Variants in MAEA observed in about 807,000 individuals in gnomAD.
The protein encoded by MAEA is E3 ubiquitin-protein transferase MAEA.
In MAEA, 22 loss-of-function variants were observed where a neutral mutation model predicts 46.2. That is an observed-to-expected ratio of 0.48 (90% CI 0.34 to 0.68). The LOEUF (loss-of-function observed/expected upper bound fraction) is 0.68. Among genes scored for constraint, MAEA ranks in the 30% least tolerant of loss-of-function variants. MAEA has a pLI of 0.01. For missense variants in MAEA, 393 were observed against 558.1 expected (o/e 0.70, Z 2.98); for synonymous variants, 246 against 222.6 (o/e 1.11, Z -0.94).
chr4:1,327,547 TG>T, intron 4 of MAEA, 79 bp from the exon 5 acceptor site: 1 of 925,610 alleles, frequency 1.1e-6, no homozygotes, highest in East Asian at 2.4e-5. Flanking sequence ...GGTCTGCTGG[TG>T]GACATGCGGG....
chr4:1,312,422 GA>G, intron 2 of MAEA: 20 of 225,074 alleles, frequency 8.9e-5, no homozygotes, highest in South Asian at 2.2e-4. Flanking sequence ...CAGGTTGATT[GA>G]TTTTTTTTTT....
chr4:1,309,435 C>A, intron 1 of MAEA: 1 of 1,276,382 alleles, frequency 7.8e-7, no homozygotes, highest in Non-Finnish European at 9.9e-7. Flanking sequence ...GCGGTGCTTT[C>A]CGGGGCTGGC....
rs145196539 is a variant in MAEA, at chr4:1,297,846, C to T, written c.69+7864C>T. On this transcript the variant is annotated intron_variant, in intron 1 of 8. Coordinates refer to ENST00000303400, the MANE Select transcript of MAEA (RefSeq NM_001017405.3). ...CTAGAGTATGTCTTGGTCTCATGGCCTGTGCTCTCATCTGGCTGTGGTCAG... is the reference window on the plus strand; with the variant it reads ...CTAGAGTATGTCTTGGTCTCATGGCTTGTGCTCTCATCTGGCTGTGGTCAG... 287 of 381,884 alleles carry T rather than the reference C, an allele frequency of 7.5e-4. 2 individuals are homozygous for T. Among genetic ancestry groups the T allele is most frequent in the Middle Eastern group, 5.1e-3 (13 of 2,562 alleles). The allele number at this position is 381,884 out of a possible 1,614,324, so 23.7% of individuals were successfully genotyped here. A position where few individuals can be genotyped will look rare whatever the true frequency, so the allele number is the denominator to read the frequency against.
rs763904494 is a variant in MAEA, at chr4:1,328,623, T to A, written c.656+920T>A. Reference sequence around the variant, plus strand: ...ACAGAAACCCGACCGCGACTCCATATCCACCTGCAGTGGGCCGGGTGGCCG... The same window carrying A: ...ACAGAAACCCGACCGCGACTCCATAACCACCTGCAGTGGGCCGGGTGGCCG... On this transcript the variant is annotated intron_variant, in intron 5 of 8. Coordinates refer to ENST00000303400, the MANE Select transcript of MAEA (RefSeq NM_001017405.3). 2.4e-6 allele frequency: 3 copies of A among 1,247,690 alleles called. No homozygotes were observed. In the African/African-American group the frequency reaches 4.7e-5, roughly 19 times the overall value. The allele number at this position is 1,247,690 out of a possible 1,614,324, so 77.3% of individuals were successfully genotyped here. A position where few individuals can be genotyped will look rare whatever the true frequency, so the allele number is the denominator to read the frequency against.
intron 1 of MAEA, among the ~76,000 whole-genome samples, chr4:1,308,320 G>A (rs982861685): frequency 7.9e-5 from 12 of 152,190 alleles, no homozygotes; most frequent in African/African-American, 2.4e-4. Flanking sequence ...CCAAAATGTC[G>A]TTATGTGGTG....
intron 4 of MAEA, 110 bp from the exon 5 acceptor site, chr4:1,327,517 G>C (rs1047372500): frequency 2.3e-5 from 18 of 793,762 alleles, no homozygotes; most frequent in East Asian, 9.7e-5. Context: ...TGAGAGAGGG[G>C]TTCAGAGCTT....
chr4:1,307,458 A>G (rs1001645595), intron 1 of MAEA, among the ~76,000 whole-genome samples: 4 of 152,266 alleles, frequency 2.6e-5, no homozygotes. Flanking sequence ...AATGTCTTCA[A>G]GGTTCACCCA....
rs578072123 is a variant in MAEA at position 1,312,969 on chromosome 4, C to T, written c.252+808C>T. 9.8e-5 allele frequency among the ~76,000 whole-genome samples: 15 copies of T among 152,340 alleles called. No homozygotes were observed. In the East Asian group the frequency reaches 2.5e-3, roughly 25 times the overall value. ...GAGCAGCAAGAGACTGCTGTTGTCC[C>T]CTGGAGTGTTGGCCAGGCCAGATGG... On this transcript the variant is annotated intron_variant, in intron 2 of 8. Transcript: ENST00000303400.
rs1736479431 is a variant in MAEA, at chr4:1,311,344, G to A, written c.70-635G>A. On this transcript the variant is annotated intron_variant, in intron 1 of 8. Coordinates refer to ENST00000303400, the MANE Select transcript of MAEA (RefSeq NM_001017405.3). This position sits in a 1 kb window ranked among gnomAD's most constrained non-coding sequence, Gnocchi z 4.4. ...AACGGGCGGAGAAGAACTCAGCAGC[G>A]CTTCTCTCAGAGGGACAGAAAACTA... Among the ~76,000 whole-genome samples the A allele has an allele frequency of 6.6e-6, 1 of 152,256 alleles. No individual in the cohort carries two copies. Among genetic ancestry groups the A allele is most frequent in the South Asian group, 2.1e-4 (1 of 4,838 alleles).
intron 1 of MAEA, 135 bp downstream of exon 1, chr4:1,290,117 G>T (rs1156404755): frequency 2.4e-6 from 1 of 417,472 alleles, no homozygotes; most frequent in Non-Finnish European, 3.6e-6. Context: ...GGGCCGTGCG[G>T]GCTTCTCAGG....
At chr4:1,297,607 C>T (rs904178683) in intron 1 of MAEA, among the ~76,000 whole-genome samples, 1 of 152,184 alleles carries the variant, frequency 6.6e-6, no homozygotes, top group Non-Finnish European at 1.5e-5. Flanking sequence ...CACAGTCTGA[C>T]GCGGTCGCCT....
At chr4:1,329,845 G>C (rs1430636008) in intron 5 of MAEA, 1 of 985,554 alleles carries the variant, frequency 1.0e-6, no homozygotes, top group Non-Finnish European at 1.2e-6. Context: ...TCTCCTGAGG[G>C]CTCCAGGCAG....
At chr4:1,308,007 C>T (rs981675478) in intron 1 of MAEA, among the ~76,000 whole-genome samples, 16 of 105,494 alleles carry the variant, frequency 1.5e-4, no homozygotes, top group Admixed American at 3.8e-4. Flanking sequence ...TGTGCAGATA[C>T]GGTCATGTGT....
intron 1 of MAEA, among the ~76,000 whole-genome samples, chr4:1,305,070 T>C (rs1735701928): frequency 6.6e-6 from 1 of 152,232 alleles, no homozygotes; most frequent in Non-Finnish European, 1.5e-5. Flanking sequence ...TACCGTGGAC[T>C]TCTCTTCACC....
rs904844003 is a variant in MAEA, at chr4:1,339,957, A to T, written c.*788A>T. 8 of 152,694 alleles carry T rather than the reference A, an allele frequency of 5.2e-5. No individual in the cohort carries two copies. The highest frequency in any genetic ancestry group is 1.9e-4 in the African/African-American group (8 of 41,472). The allele number at this position is 152,694 out of a possible 1,614,324, so 9.5% of individuals were successfully genotyped here. On this transcript the variant is annotated 3_prime_UTR_variant, in exon 9 of 9. Coordinates refer to ENST00000303400, the MANE Select transcript of MAEA (RefSeq NM_001017405.3). ...GTAGAGTCTAATTGCTATCCATTACAGAAATTAATCGTTCAGTTGAAAGAA... is the reference window on the plus strand; with the variant it reads ...GTAGAGTCTAATTGCTATCCATTACTGAAATTAATCGTTCAGTTGAAAGAA...
chr4:1,329,930 C>T (rs1413256187), intron 5 of MAEA: 11 of 985,380 alleles, frequency 1.1e-5, no homozygotes, highest in African/African-American at 3.5e-5. Context: ...GTCCACATGG[C>T]GCTGGAGCGT....
intron 1 of MAEA, chr4:1,309,367 C>T: frequency 8.4e-7 from 1 of 1,187,276 alleles, no homozygotes; most frequent in Non-Finnish European, 1.1e-6. Context: ...CCAGCCCAGG[C>T]CAGTGGAGGG....
chr4:1,316,439 G>A (rs1461761280), intron 3 of MAEA, among the ~76,000 whole-genome samples: 2 of 152,146 alleles, frequency 1.3e-5, no homozygotes, highest in Non-Finnish European at 2.9e-5. Flanking sequence ...GGGTTAAGGT[G>A]GCGTCCGTGT....
intron 1 of MAEA, among the ~76,000 whole-genome samples, chr4:1,301,845 C>T (rs977567243): frequency 6.6e-6 from 1 of 152,152 alleles, no homozygotes; most frequent in African/African-American, 2.4e-5. Flanking sequence ...CCGAATAGAC[C>T]TATAACAGGT....
Sources: allele counts gnomAD v4.1 joint callset (sites outside exome capture counted in the v4.1 genomes callset), GRCh38; gene constraint gnomAD v4.1.1; non-coding constraint Gnocchi (gnomAD v3.1); transcripts MANE v1.5; gene names NCBI Gene and HGNC (gene_info 2026-07-23, HGNC 2026-07-21).